Variants in ADGRG4 observed in about 807,000 individuals in gnomAD.
ADGRG4 encodes G protein-coupled receptor 112.
Under a neutral mutation model 126.2 loss-of-function variants are expected in ADGRG4, and 122 were observed. That is an observed-to-expected ratio of 0.97 (90% CI 0.83 to 1.12). ADGRG4 has a LOEUF of 1.12. Ranked by LOEUF, ADGRG4 falls within the 50% of genes most tolerant of loss-of-function variation. The pLI, the probability that ADGRG4 is intolerant of heterozygous loss-of-function variation, is 0.00. For missense variants in ADGRG4, 2,481 were observed against 2,251.8 expected (o/e 1.10, Z -2.06); for synonymous variants, 943 against 838.7 (o/e 1.12, Z -2.15).
chrX:136,414,742 C>CCA (rs1302463247), intron 25 of ADGRG4, among the ~76,000 whole-genome samples: 1 of 112,252 alleles, frequency 8.9e-6, no homozygotes, highest in Non-Finnish European at 1.9e-5. Flanking sequence ...GTCACTGAGC[C>CCA]CATCTTTACC....
Position 136,348,265 on chromosome X carries a change from T to C in ADGRG4, c.4559T>C (p.Val1520Ala). 1 of 1,210,807 alleles carries C rather than the reference T, an allele frequency of 8.3e-7. No homozygotes were observed. Among genetic ancestry groups the C allele is most frequent in the Non-Finnish European group, 1.1e-6 (1 of 894,620 alleles). ...CAGATGTCCTCATTGCCAGTTAATG[T>C]AACTGCCTTCACCTCCAAAAAAGTT... ...IYQMSSLPVN[V>A]TAFTSKKVSD... is the part of the protein sequence containing the mutation. Residue 1520 changes from valine to alanine, a missense_variant, in exon 6 of 26, where the codon GTA becomes GCA. Val to Ala is a moderately conservative substitution (Grantham distance 64, BLOSUM62 0). Transcript: ENST00000394143.
At chrX:136,410,884 G>A (rs1847236287) in intron 23 of ADGRG4, among the ~76,000 whole-genome samples, 1 of 111,921 alleles carries the variant, frequency 8.9e-6, no homozygotes, top group Non-Finnish European at 1.9e-5. Flanking sequence ...AATGTTATGA[G>A]AGTTCAGAAG....
rs747814988 is a variant in ADGRG4, at chrX:136,350,211, A to T, written c.6505A>T (p.Ile2169Phe). The change falls in exon 6 of 26, where the codon ATT (isoleucine) becomes TTT (phenylalanine). Residue 2169 changes from isoleucine (I) to phenylalanine (F), a missense_variant. Ile to Phe is a conservative substitution (Grantham distance 21, BLOSUM62 0). Coordinates refer to ENST00000394143, the MANE Select transcript of ADGRG4 (RefSeq NM_153834.4). ...IPTASSPSTLIIPKPTLDSLL... is the reference protein window; with the variant it reads ...IPTASSPSTLFIPKPTLDSLL... ...AACTGCATCATCACCCTCTACTTTA[A>T]TTATTCCTAAGCCCACACTGGACTC... 9 of 1,208,159 alleles carry T rather than the reference A, an allele frequency of 7.4e-6. No homozygotes were observed. The highest frequency in any genetic ancestry group is 1.0e-5 in the Non-Finnish European group (9 of 892,560).
intron 13 of ADGRG4, among the ~76,000 whole-genome samples, chrX:136,369,177 T>A (rs1471294538): frequency 8.9e-6 from 1 of 112,561 alleles, no homozygotes; most frequent in Non-Finnish European, 1.9e-5. Flanking sequence ...CACAGAACCA[T>A]GAAGGATAAT....
chrX:136,343,758 T>G (rs766833593), intron 5 of ADGRG4, among the ~76,000 whole-genome samples: 1 of 112,026 alleles, frequency 8.9e-6, no homozygotes, highest in African/African-American at 3.2e-5. Flanking sequence ...TTACTCTGTA[T>G]AAGAAGCTAT....
In ADGRG4 at chrX:136,348,611, G is replaced by A; in HGVS notation, c.4905G>A (p.Glu1635=). The change falls in exon 6 of 26, where the codon GAG becomes GAA. Residue 1635 remains glutamate (E), a synonymous_variant. Coordinates refer to ENST00000394143, the MANE Select transcript of ADGRG4 (RefSeq NM_153834.4). ...CTGCTTTCACTACAGAAATGATAGA[G>A]GCACCTTCCAGGATCACACCTACGA... ...VSSAFTTEMI[E]APSRITPTTF... 1 of 1,210,482 alleles carries A rather than the reference G, an allele frequency of 8.3e-7. No individual in the cohort carries two copies. Among genetic ancestry groups the A allele is most frequent in the Non-Finnish European group, 1.1e-6 (1 of 895,030 alleles).
intron 5 of ADGRG4, among the ~76,000 whole-genome samples, chrX:136,334,074 CTCTTTCTTTCTTTCTTTCTTTCTTTCTT>C (rs201233200): frequency 0.023 from 2,064 of 88,931 alleles, 28 homozygotes; most frequent in African/African-American, 0.031. Flanking sequence ...GAGGTTCTCT[CTCTTTCTTTCTTTCTTTCTTTCTTTCTT>C]TCTTTCTTTC....
At chrX:136,412,182 T>G (rs2075449529) in intron 23 of ADGRG4, 83 bp from the exon 24 acceptor site, 2 of 626,398 alleles carry the variant, frequency 3.2e-6, no homozygotes, top group African/African-American at 4.3e-5. Context: ...GTATCTCTCA[T>G]GACAGAAGCA....
At chrX:136,331,833 T>C (rs767345073) in intron 5 of ADGRG4, among the ~76,000 whole-genome samples, 102 of 106,069 alleles carry the variant, frequency 9.6e-4, no homozygotes, top group Non-Finnish European at 1.7e-3. Context: ...TTTTTTTTTT[T>C]TGAGGCGGAG....
chrX:136,364,432 G>A (rs1233406335), intron 13 of ADGRG4, among the ~76,000 whole-genome samples: 1 of 111,667 alleles, frequency 9.0e-6, no homozygotes, highest in East Asian at 2.8e-4. Flanking sequence ...ATATTGCAGA[G>A]ATTATTATAT....
chrX:136,366,534 A>G (rs1300313503), intron 13 of ADGRG4, among the ~76,000 whole-genome samples: 2 of 112,338 alleles, frequency 1.8e-5, no homozygotes, highest in East Asian at 2.8e-4. Context: ...TAAGTGTTCA[A>G]CTCATTTGGG....
chrX:136,386,230 T>G (rs143619606), intron 15 of ADGRG4, among the ~76,000 whole-genome samples: 1,384 of 112,094 alleles, frequency 0.012, 11 homozygotes, highest in Middle Eastern at 0.051. Context: ...GTTGAGTTTA[T>G]TAGGAGCTAC....
chrX:136,332,049 C>T (rs936530446), intron 5 of ADGRG4, among the ~76,000 whole-genome samples: 61 of 108,863 alleles, frequency 5.6e-4, no homozygotes, highest in Non-Finnish European at 1.1e-3. Context: ...TACATGTGCA[C>T]ATTGTGCAGG....
At position 136,349,568 on chromosome X, in the gene ADGRG4, C is replaced by T; in HGVS notation, c.5862C>T (p.Asn1954=). The change falls in exon 6 of 26, where the codon AAC becomes AAT. Residue 1954 remains asparagine, a synonymous_variant. Coordinates refer to ENST00000394143, the MANE Select transcript of ADGRG4 (RefSeq NM_153834.4). ...GILPNHGLSE[N]PSLSTSLRAI... ...TTCCTAACCATGGGCTTTCTGAGAACCCTTCATTATCAACATCTTTAAGAG... is the reference window on the plus strand; with the variant it reads ...TTCCTAACCATGGGCTTTCTGAGAATCCTTCATTATCAACATCTTTAAGAG... The T allele has an allele frequency of 3.3e-6, 4 of 1,209,814 alleles. No homozygotes were observed. The highest frequency in any genetic ancestry group is 4.5e-6 in the Non-Finnish European group (4 of 894,381).
rs757705650 is a variant in ADGRG4, at chrX:136,399,845, T to C, written c.8307-3T>C. 6.1e-5 allele frequency: 73 copies of C among 1,199,829 alleles called. No homozygotes were observed. Among genetic ancestry groups the C allele is most frequent in the Admixed American group, 2.2e-5 (1 of 45,244 alleles). On this transcript the variant is annotated splice_polypyrimidine_tract_variant and splice_region_variant and intron_variant, in intron 20 of 25. Coordinates refer to ENST00000394143, the MANE Select transcript of ADGRG4 (RefSeq NM_153834.4). ...CCTAACAACATTGTACTTTCTCTTT[T>C]AGCAAACTTCGAAAAGATTATCCTG...
chrX:136,403,216 A>G (rs369222321), intron 21 of ADGRG4, 28 bp from the exon 22 acceptor site: 6 of 1,168,882 alleles, frequency 5.1e-6, no homozygotes, highest in Non-Finnish European at 7.0e-6. Flanking sequence ...ACCTGATGAA[A>G]TGCCTTTGAC....
rs759495998 is a variant in ADGRG4, at chrX:136,346,858, T to C, written c.3152T>C (p.Val1051Ala). The change falls in exon 6 of 26, where the codon GTC (valine) becomes GCC (alanine). Residue 1051 changes from valine (V) to alanine (A), a missense_variant. Val to Ala is a moderately conservative substitution (Grantham distance 64, BLOSUM62 0). Coordinates refer to ENST00000394143, the MANE Select transcript of ADGRG4 (RefSeq NM_153834.4). The part of the protein sequence containing the change: ...RAFSTSVLSD[V>A]SNLSSTTMTT... ...TTTTCTACATCTGTGCTCTCAGATG[T>C]CTCAAATCTATCCTCAACTACAATG... The C allele has an allele frequency of 2.5e-6, 3 of 1,210,491 alleles. No individual in the cohort carries two copies. The highest frequency in any genetic ancestry group is 3.4e-6 in the Non-Finnish European group (3 of 894,595).
chrX:136,387,243 C>T (rs932600969), intron 15 of ADGRG4, among the ~76,000 whole-genome samples: 2 of 112,231 alleles, frequency 1.8e-5, no homozygotes, highest in East Asian at 2.8e-4. Flanking sequence ...AATTGCTAAG[C>T]GCTAATGCCT....
At chrX:136,393,918 A>G (rs1045875970) in intron 18 of ADGRG4, among the ~76,000 whole-genome samples, 19 of 111,952 alleles carry the variant, frequency 1.7e-4, no homozygotes, top group Non-Finnish European at 3.4e-4. Flanking sequence ...AATCAGAAAA[A>G]TTACACAACT....
Sources: gnomAD v4.1 joint callset for allele counts (sites outside exome capture counted in the v4.1 genomes callset) on GRCh38, gnomAD v4.1.1 for gene constraint, MANE v1.5 for transcripts, NCBI Gene and HGNC (gene_info 2026-07-23, HGNC 2026-07-21) for gene names.